Variants in PCGF5 observed in about 807,000 individuals in gnomAD.
PCGF5 encodes the protein polycomb group RING finger protein 5.
PCGF5 carries 9 observed loss-of-function variants against 44.3 expected under a neutral mutation model. The ratio of observed to expected loss-of-function variants is 0.20; its 90% CI spans 0.12 to 0.35. The LOEUF (loss-of-function observed/expected upper bound fraction) is 0.35, where lower values mean the gene tolerates loss of function less well. Among genes scored for constraint, PCGF5 ranks in the 10% least tolerant of loss-of-function variants. The pLI is 1.00. For synonymous variants in PCGF5, 95 were observed against 102.5 expected (o/e 0.93, Z 0.44); for missense variants, 146 against 305.3 (o/e 0.48, Z 3.89).
rs200360234 is a variant in PCGF5 at position 91,262,281 on chromosome 10, C to A, written c.573+857C>A. Among the ~76,000 whole-genome samples the A allele has an allele frequency of 5.2e-4, 79 of 152,048 alleles. No homozygotes were observed. In the East Asian group the frequency reaches 9.1e-3, roughly 17 times the overall value. ...TGTGTTCTAAAAATATAAAAATTAG[C>A]CGGGTGTGGTGGCAGGTGCCTGTAT... On this transcript the variant is annotated intron_variant, in intron 7 of 9. Coordinates refer to ENST00000336126, the MANE Select transcript of PCGF5 (RefSeq NM_032373.5).
chr10:91,222,212 C>T (rs970171332), intron 1 of PCGF5, among the ~76,000 whole-genome samples: 13 of 152,056 alleles, frequency 8.5e-5, no homozygotes, highest in Non-Finnish European at 8.8e-5. Context: ...AGATGGACTG[C>T]AGGTGGAGAG....
At chr10:91,248,400 G>GTGTA in intron 3 of PCGF5, 105 bp from the exon 4 acceptor site, 1 of 1,038,996 alleles carries the variant, frequency 9.6e-7, no homozygotes, top group East Asian at 2.4e-5. Context: ...TGCTAAAATT[G>GTGTA]TGTATGTATT....
At chr10:91,191,543 A>G (rs1844033745) in intron 1 of PCGF5, among the ~76,000 whole-genome samples, 1 of 152,238 alleles carries the variant, frequency 6.6e-6, no homozygotes, top group African/African-American at 2.4e-5. Context: ...CCCAGATAAG[A>G]AGGGAGTACT....
At chr10:91,177,900 G>A (rs560649673) in intron 1 of PCGF5, among the ~76,000 whole-genome samples, 4 of 152,162 alleles carry the variant, frequency 2.6e-5, no homozygotes, top group East Asian at 1.9e-4. Flanking sequence ...CTTGGTGCAC[G>A]GTGCACTGCA....
chr10:91,226,794 A>G (rs1589379998), intron 2 of PCGF5, among the ~76,000 whole-genome samples: 1 of 152,322 alleles, frequency 6.6e-6, no homozygotes, highest in South Asian at 2.1e-4. Flanking sequence ...AAATCACATC[A>G]TCATATCACA....
intron 1 of PCGF5, among the ~76,000 whole-genome samples, chr10:91,195,348 A>G (rs1178291628): frequency 2.6e-5 from 4 of 151,960 alleles, no homozygotes; most frequent in African/African-American, 9.7e-5. Flanking sequence ...AAAGCCCAGT[A>G]TTGTTATCCT....
Position 91,177,988 on chromosome 10 carries a change from C to T in PCGF5, c.-184+14907C>T, listed in dbSNP as rs548500609. On this transcript the variant is annotated intron_variant, in intron 1 of 9. Coordinates refer to the PCGF5 transcript ENST00000614189. ...CCTCAGTTGGAAATGCAGAAATCAT[C>T]CATATTCTGCGTCGCTCACACTGGG... is the stretch of plus-strand genomic sequence containing the variant. 2.4e-4 allele frequency among the ~76,000 whole-genome samples: 37 copies of T among 152,308 alleles called. 1 individual carries two copies. The South Asian group carries it at 7.7e-3, about 32-fold the overall frequency.
At chr10:91,168,929 GAAAAAAAAAA>G (rs57345364) in intron 1 of PCGF5, among the ~76,000 whole-genome samples, 1,803 of 56,272 alleles carry the variant, frequency 0.032, 30 homozygotes, top group Admixed American at 0.083. Flanking sequence ...CTCCGTCTCA[GAAAAAAAAAA>G]AAAAAAAAAA....
intron 6 of PCGF5, among the ~76,000 whole-genome samples, chr10:91,260,434 A>T (rs1325540141): frequency 6.6e-6 from 1 of 152,198 alleles, no homozygotes; most frequent in East Asian, 1.9e-4. Context: ...TAGAAATACC[A>T]TTTGACCCAG....
intron 1 of PCGF5, 85 bp from the exon 2 acceptor site, chr10:91,222,604 C>A: frequency 2.1e-6 from 1 of 483,848 alleles, no homozygotes; most frequent in Non-Finnish European, 3.6e-6. Context: ...ACATGTAACA[C>A]TTGCTGTTAA....
intron 1 of PCGF5, among the ~76,000 whole-genome samples, chr10:91,188,778 G>C (rs1843974006): frequency 6.6e-6 from 1 of 152,218 alleles, no homozygotes; most frequent in African/African-American, 2.4e-5. Flanking sequence ...CAGATCTACA[G>C]AGTGTCATTT....
At chr10:91,204,152 A>G (rs1361472336) in intron 1 of PCGF5, among the ~76,000 whole-genome samples, 1 of 152,210 alleles carries the variant, frequency 6.6e-6, no homozygotes, top group Non-Finnish European at 1.5e-5. Context: ...AATTATGAAT[A>G]TAATGTTTAA....
intron 6 of PCGF5, among the ~76,000 whole-genome samples, chr10:91,256,486 C>G (rs1845755884): frequency 6.6e-6 from 1 of 151,798 alleles, no homozygotes; most frequent in African/African-American, 2.4e-5. Context: ...AATGGAAGTT[C>G]CAGAAGGAGA....
chr10:91,162,201 C>T (rs548794034), upstream of PCGF5, among the ~76,000 whole-genome samples: 1 of 150,336 alleles, frequency 6.7e-6, no homozygotes, highest in South Asian at 2.1e-4. Context: ...AATGGAGGCC[C>T]AGCTATTGAG....
intron 1 of PCGF5, among the ~76,000 whole-genome samples, chr10:91,195,425 T>C (rs1844110425): frequency 6.6e-6 from 1 of 151,316 alleles, no homozygotes; most frequent in Non-Finnish European, 1.5e-5. Context: ...TCTTAAATAA[T>C]TGAATATAAA....
intron 5 of PCGF5, among the ~76,000 whole-genome samples, chr10:91,249,081 T>C (rs1845550515): frequency 6.6e-6 from 1 of 151,970 alleles, no homozygotes; most frequent in African/African-American, 2.4e-5. Flanking sequence ...GTTTTTTGTT[T>C]TATTTTGTAT....
chr10:91,202,226 T>C (rs1346490198), intron 1 of PCGF5, among the ~76,000 whole-genome samples: 1 of 152,220 alleles, frequency 6.6e-6, no homozygotes, highest in Non-Finnish European at 1.5e-5. Flanking sequence ...GATGTATCTG[T>C]TTTTATGGTT....
chr10:91,171,830 C>G (rs529940110), intron 1 of PCGF5, among the ~76,000 whole-genome samples: 7 of 152,058 alleles, frequency 4.6e-5, no homozygotes, highest in African/African-American at 1.7e-4. Flanking sequence ...GTGACACAGG[C>G]CAATGGAGGT....
intron 2 of PCGF5, among the ~76,000 whole-genome samples, chr10:91,240,232 A>G (rs1186156072): frequency 2.0e-5 from 3 of 152,232 alleles, no homozygotes; most frequent in Non-Finnish European, 4.4e-5. Flanking sequence ...TGAGTAGAGT[A>G]GTATTTGGTG....
Sources: allele counts gnomAD v4.1 joint callset (sites outside exome capture counted in the v4.1 genomes callset), GRCh38; gene constraint gnomAD v4.1.1; transcripts MANE v1.5; gene names NCBI Gene and HGNC (gene_info 2026-07-23, HGNC 2026-07-21).